Variants in ENTPD3 observed in about 807,000 individuals in gnomAD.
The protein encoded by ENTPD3 is ectonucleoside triphosphate diphosphohydrolase 3, also known as CD39 antigen-like 3.
ENTPD3 carries 60 observed loss-of-function variants against 51.2 expected under a neutral mutation model. That is an observed-to-expected ratio of 1.17 (90% CI 0.95 to 1.45). ENTPD3 has a LOEUF of 1.45. ENTPD3 is among the 40% of genes most tolerant of loss of function. ENTPD3 has a pLI of 0.00. For missense variants in ENTPD3, 593 were observed against 641.1 expected, an observed-to-expected ratio of 0.93 and a Z score of 0.81; for synonymous variants, 221 against 238.4, an observed-to-expected ratio of 0.93 and a Z score of 0.67.
intron 1 of ENTPD3, among the ~76,000 whole-genome samples, chr3:40,387,547 A>T (rs986504898): frequency 1.3e-5 from 2 of 152,084 alleles, no homozygotes; most frequent in Admixed American, 1.3e-4. Flanking sequence ...GTGACCCCAG[A>T]TCCTGGTGGG....
rs3064608 is a variant in ENTPD3, at chr3:40,397,119, C to CTTTTTTTTTTTT, written c.169-3766_169-3755dup. Among the ~76,000 whole-genome samples, 35 of 101,296 alleles carry CTTTTTTTTTTTT rather than the reference C, an allele frequency of 3.5e-4. 4 individuals carry two copies. Among genetic ancestry groups the CTTTTTTTTTTTT allele is most frequent in the African/African-American group, 7.8e-4 (21 of 26,922 alleles). 66.5% of individuals were successfully genotyped at this position (101,296 alleles called of 152,430 possible). A position where few individuals can be genotyped will look rare whatever the true frequency, so the allele number is the denominator to read the frequency against. ...AGAGTAAGAGTTGGATAATTAGTTTCTTTTTTTTTTTTTTTTTTTTCAGAA... is the reference window on the plus strand; with the variant it reads ...AGAGTAAGAGTTGGATAATTAGTTTCTTTTTTTTTTTTTTTTTTTTTTTTTTTTTTTTCAGAA... On this transcript the variant is annotated intron_variant, in intron 3 of 10. Coordinates refer to ENST00000301825, the MANE Select transcript of ENTPD3 (RefSeq NM_001248.4).
In ENTPD3 at chr3:40,418,913, A is replaced by G. The variant is rs115172344; in HGVS notation, c.831+2840A>G. ...AAGTGCCATAACTTAAAAAGAAAAA[A>G]AATTGACCATTCGATTATGAAAGAA... On this transcript the variant is annotated intron_variant, in intron 7 of 10. Coordinates refer to ENST00000301825, the MANE Select transcript of ENTPD3 (RefSeq NM_001248.4). 6.2e-3 allele frequency among the ~76,000 whole-genome samples: 945 copies of G among 152,276 alleles called. 4 individuals carry two copies. Among genetic ancestry groups the G allele is most frequent in the African/African-American group, 0.021 (892 of 41,574 alleles).
intron 7 of ENTPD3, among the ~76,000 whole-genome samples, chr3:40,422,352 TTTATTA>T (rs572981213): frequency 6.7e-6 from 1 of 150,186 alleles, no homozygotes; most frequent in African/African-American, 2.4e-5. Flanking sequence ...ACTTAGAGAT[TTTATTA>T]TTATTATTAT....
chr3:40,412,805 A>C (rs916391064), intron 5 of ENTPD3, among the ~76,000 whole-genome samples: 4 of 152,200 alleles, frequency 2.6e-5, no homozygotes, highest in Non-Finnish European at 5.9e-5. Context: ...TCTCCATTAG[A>C]CTGGGCCTTT....
intron 4 of ENTPD3, among the ~76,000 whole-genome samples, chr3:40,408,364 G>T (rs1196482216): frequency 1.3e-5 from 2 of 152,086 alleles, no homozygotes; most frequent in Non-Finnish European, 2.9e-5. Context: ...TTAACATAAT[G>T]CCTGGGATTT....
chr3:40,415,846 CTGTGGCACA>C lies in ENTPD3; in HGVS notation c.610_618del (p.His204_Trp206del). The C allele has an allele frequency of 6.2e-7, 1 of 1,613,562 alleles. No homozygotes were observed. The highest frequency in any genetic ancestry group is 1.1e-5 in the South Asian group (1 of 91,046). ...TCCTTTTCCCACTGTGCAGAAGAAC[CTGTGGCACA>C]TGTGGGTGCACCCGCATGGAGTGGA... On this transcript the variant is annotated inframe_deletion, in exon 7 of 11. Coordinates refer to ENST00000301825, the MANE Select transcript of ENTPD3 (RefSeq NM_001248.4).
In ENTPD3 at chr3:40,425,019, G is replaced by A. The variant is rs1955955232; in HGVS notation, c.1353+1056G>A. Reference sequence around the variant, plus strand: ...AAAGTATATTATAAGAATGGAGAATGACTTTCCATTTGAATGCCAGTTTGA... The same window carrying A: ...AAAGTATATTATAAGAATGGAGAATAACTTTCCATTTGAATGCCAGTTTGA... On this transcript the variant is annotated intron_variant, in intron 10 of 10. Coordinates refer to ENST00000301825, the MANE Select transcript of ENTPD3 (RefSeq NM_001248.4). 1.4e-5 allele frequency: 5 copies of A among 350,522 alleles called. No individual in the cohort carries two copies. The East Asian group carries it at 2.2e-4, about 15-fold the overall frequency. 21.7% of individuals were successfully genotyped at this position (350,522 alleles called of 1,614,324 possible).
intron 2 of ENTPD3, chr3:40,391,768 C>T (rs903067260): frequency 6.1e-6 from 3 of 495,330 alleles, no homozygotes; most frequent in African/African-American, 2.0e-5. Context: ...AAAACTAGAC[C>T]ATGCATACCC....
chr3:40,409,062 G>A (rs1329674124), intron 4 of ENTPD3, among the ~76,000 whole-genome samples: 1 of 152,000 alleles, frequency 6.6e-6, no homozygotes, highest in African/African-American at 2.4e-5. Context: ...AGACCAGCCT[G>A]GCCAACATGG....
intron 3 of ENTPD3, among the ~76,000 whole-genome samples, chr3:40,394,766 C>A (rs1003543673): frequency 6.6e-6 from 1 of 152,160 alleles, no homozygotes; most frequent in Non-Finnish European, 1.5e-5. Flanking sequence ...AGGGAGGATG[C>A]ATGCAGATGT....
At position 40,411,824 on chromosome 3, in the gene ENTPD3, C is replaced by G. The variant is rs766770559; in HGVS notation, c.299C>G (p.Ser100Cys). 1.5e-5 allele frequency: 24 copies of G among 1,578,122 alleles called. No homozygotes were observed. The highest frequency in any genetic ancestry group is 2.1e-5 in the Non-Finnish European group (24 of 1,162,384). Residue 100 changes from serine (S) to cysteine (C), a missense_variant, in exon 5 of 11, where the codon TCC becomes TGC. Ser to Cys is a moderately radical substitution (Grantham distance 112, BLOSUM62 -1). Coordinates refer to ENST00000301825, the MANE Select transcript of ENTPD3 (RefSeq NM_001248.4). ...FKCSVKGSGI[S>C]SYGNNPQDVP... ...GCTTGCTTTTCAGGCTCTGGAATCT[C>G]CAGCTATGGAAATAACCCCCAAGAT...
At chr3:40,411,332 T>G (rs1955627654) in intron 4 of ENTPD3, among the ~76,000 whole-genome samples, 1 of 150,516 alleles carries the variant, frequency 6.6e-6, no homozygotes, top group South Asian at 2.1e-4. Context: ...AAAGAAATTA[T>G]TTTTAATTTG....
chr3:40,418,436 AT>A (rs1401764525), intron 7 of ENTPD3, among the ~76,000 whole-genome samples: 1 of 152,172 alleles, frequency 6.6e-6, no homozygotes, highest in Non-Finnish European at 1.5e-5. Context: ...CTCATCTGTA[AT>A]ATAAGGAACT....
At position 40,400,976 on chromosome 3, in the gene ENTPD3, G is replaced by C. The variant is rs561278527; in HGVS notation, c.251G>C (p.Gly84Ala). ...QWPAEKENNT[G>A]VVSQTFKCSV... ...CCAGCAGAAAAAGAGAATAATACCG[G>C]AGTGGTCAGTCAAACCTTCAAATGT... The change falls in exon 4 of 11, where the codon GGA (glycine) becomes GCA (alanine). Residue 84 changes from glycine (G) to alanine (A), a missense_variant. Coordinates refer to ENST00000301825, the MANE Select transcript of ENTPD3 (RefSeq NM_001248.4). 1 of 1,613,816 alleles carries C rather than the reference G, an allele frequency of 6.2e-7. No individual in the cohort carries two copies. Among genetic ancestry groups the C allele is most frequent in the South Asian group, 1.1e-5 (1 of 91,064 alleles).
At chr3:40,409,625 G>A (rs773010871) in intron 4 of ENTPD3, among the ~76,000 whole-genome samples, 3 of 152,182 alleles carry the variant, frequency 2.0e-5, no homozygotes, top group African/African-American at 7.2e-5. Flanking sequence ...GGTTAAGAAA[G>A]GGCAGCTGAA....
intron 1 of ENTPD3, 105 bp downstream of exon 1, chr3:40,387,366 G>A (rs1410650984): frequency 1.3e-5 from 2 of 152,462 alleles, no homozygotes; most frequent in Non-Finnish European, 2.9e-5. Flanking sequence ...TTTCCTCAGA[G>A]GGCCAGAGGA....
intron 2 of ENTPD3, chr3:40,391,719 T>G: frequency 2.7e-6 from 1 of 376,202 alleles, no homozygotes; most frequent in Non-Finnish European, 4.7e-6. Flanking sequence ...GTAAAACAAA[T>G]GTTATTGTAA....
In ENTPD3 at chr3:40,414,857, G is replaced by C; in HGVS notation, c.597+17G>C. Reference sequence around the variant, plus strand: ...TTCCTGGAGGTGTGTGCAAACAAATGCATGGTTTTTAATCTTACTGTTTAT... The same window carrying C: ...TTCCTGGAGGTGTGTGCAAACAAATCCATGGTTTTTAATCTTACTGTTTAT... On this transcript the variant is annotated intron_variant, in intron 6 of 10. Transcript: ENST00000301825. The C allele has an allele frequency of 6.2e-7, 1 of 1,613,536 alleles. No homozygotes were observed. Among genetic ancestry groups the C allele is most frequent in the African/African-American group, 1.3e-5 (1 of 75,026 alleles).
chr3:40,427,280 T>G lies in ENTPD3; in HGVS notation c.1362T>G (p.Asn454Lys). The G allele has an allele frequency of 6.2e-7, 1 of 1,613,990 alleles. No homozygotes were observed. The highest frequency in any genetic ancestry group is 8.5e-7 in the Non-Finnish European group (1 of 1,179,886). The change falls in exon 11 of 11, where the codon AAT (asparagine) becomes AAG (lysine). Residue 454 changes from asparagine to lysine, a missense_variant. Transcript: ENST00000301825. ...TCTCCTCTACTCCACAGGTGGGGAA[T>G]AGCAGCATAGCCTGGTCTCTTGGCT... ...PQIHFEKEVG[N>K]SSIAWSLGYM...
Sources: gnomAD v4.1 joint callset for allele counts (sites outside exome capture counted in the v4.1 genomes callset) on GRCh38, gnomAD v4.1.1 for gene constraint, MANE v1.5 for transcripts, NCBI Gene and HGNC (gene_info 2026-07-23, HGNC 2026-07-21) for gene names.